KIF26B: variants seen among roughly 807,000 people sequenced by gnomAD.
KIF26B encodes the protein kinesin-like protein KIF26B.
A neutral mutation model predicts 151.2 loss-of-function variants in KIF26B; 63 were observed. The observed-to-expected ratio is 0.42, with a 90% CI of 0.34 to 0.51. The LOEUF (loss-of-function observed/expected upper bound fraction) is 0.51. Among genes scored for constraint, KIF26B ranks in the 20% least tolerant of loss-of-function variants. The probability of loss-of-function intolerance (pLI) is 0.07; values close to 1 mark genes in which losing one functional copy is unlikely to be tolerated. For missense variants in KIF26B, 2,813 were observed against 2,913.6 expected, an observed-to-expected ratio of 0.97 and a Z score of 0.79; for synonymous variants, 1,357 against 1,262.1, an observed-to-expected ratio of 1.08 and a Z score of -1.59.
At chr1:245,428,141 C>A (rs538685720) in intron 4 of KIF26B, among the ~76,000 whole-genome samples, 119 of 152,318 alleles carry the variant, frequency 7.8e-4, no homozygotes, top group African/African-American at 2.8e-3. Flanking sequence ...GGAAGGCAAA[C>A]CCCTACCCTC....
intron 14 of KIF26B, among the ~76,000 whole-genome samples, chr1:245,701,604 G>A (rs936732196): frequency 9.2e-5 from 14 of 152,150 alleles, no homozygotes; most frequent in African/African-American, 2.7e-4. Flanking sequence ...GCACGGCATC[G>A]TTTTCAAATC....
chr1:245,256,767 C>T (rs532307355), intron 2 of KIF26B, among the ~76,000 whole-genome samples: 5 of 152,294 alleles, frequency 3.3e-5, no homozygotes, highest in African/African-American at 1.2e-4. Flanking sequence ...AGACTTCAGA[C>T]TGACAAAGCG....
intron 4 of KIF26B, among the ~76,000 whole-genome samples, chr1:245,486,623 A>G (rs1314796291): frequency 1.3e-5 from 2 of 152,212 alleles, no homozygotes; most frequent in African/African-American, 4.8e-5. Context: ...TGAAGAAATG[A>G]AGGTTCAGCT....
At chr1:245,538,846 G>A (rs1184968686) in intron 4 of KIF26B, among the ~76,000 whole-genome samples, 2 of 152,084 alleles carry the variant, frequency 1.3e-5, no homozygotes, top group Non-Finnish European at 2.9e-5. Context: ...AGGTGTGTGC[G>A]GGTGTTAGAA....
chr1:245,616,783 G>A (rs964337177), intron 9 of KIF26B, among the ~76,000 whole-genome samples: 4 of 152,156 alleles, frequency 2.6e-5, no homozygotes, highest in African/African-American at 9.7e-5. Flanking sequence ...TGCTCAGCGT[G>A]GACTAGTGAT....
chr1:245,347,530 C>T (rs1391538637), intron 2 of KIF26B, among the ~76,000 whole-genome samples: 2 of 152,128 alleles, frequency 1.3e-5, no homozygotes, highest in Non-Finnish European at 2.9e-5. Context: ...CTACATTTTC[C>T]AGGCTGGTCT....
intron 2 of KIF26B, among the ~76,000 whole-genome samples, chr1:245,300,408 C>CCAA (rs1464503348): frequency 6.6e-6 from 1 of 152,188 alleles, no homozygotes; most frequent in Non-Finnish European, 1.5e-5. Context: ...CCAGGTCAAG[C>CCAA]CAACTCATTA....
chr1:245,288,391 C>T (rs1162144165), intron 2 of KIF26B, among the ~76,000 whole-genome samples: 13 of 152,220 alleles, frequency 8.5e-5, no homozygotes, highest in Admixed American at 4.6e-4. Flanking sequence ...GAGGATAATG[C>T]AGCATCCCAT....
chr1:245,531,157 G>A (rs1485821863), intron 4 of KIF26B, among the ~76,000 whole-genome samples: 1 of 152,126 alleles, frequency 6.6e-6, no homozygotes, highest in Non-Finnish European at 1.5e-5. Context: ...TCAGTAATTG[G>A]TAAGTGCTTA....
intron 4 of KIF26B, among the ~76,000 whole-genome samples, chr1:245,484,793 A>ATTATTATTATTATTATTC (rs1316870686): frequency 2.1e-5 from 3 of 145,178 alleles, no homozygotes; most frequent in African/African-American, 5.0e-5. Context: ...TATTATTATT[A>ATTATTATTATTATTATTC]TTCTTTTAAT....
intron 14 of KIF26B, among the ~76,000 whole-genome samples, chr1:245,701,598 G>A (rs866074679): frequency 4.6e-5 from 7 of 152,070 alleles, no homozygotes; most frequent in Admixed American, 1.3e-4. Flanking sequence ...TCCATAGCAC[G>A]GCATCGTTTT....
chr1:245,473,842 G>A (rs962014142), intron 4 of KIF26B, among the ~76,000 whole-genome samples: 6 of 151,864 alleles, frequency 4.0e-5, no homozygotes, highest in Non-Finnish European at 5.9e-5. Flanking sequence ...CCAGGGGCCC[G>A]TCAGTGGCTC....
rs1299503237 is a variant in KIF26B at position 245,362,283 on chromosome 1, C to T, written c.466-4551C>T. ...GTGGCTCATGCCGGTAATCCCAGCACGTTGGGAGGCCAAGGTGGGCAGATC... is the reference window on the plus strand; with the variant it reads ...GTGGCTCATGCCGGTAATCCCAGCATGTTGGGAGGCCAAGGTGGGCAGATC... On this transcript the variant is annotated intron_variant, in intron 2 of 14. Coordinates refer to ENST00000407071, the MANE Select transcript of KIF26B (RefSeq NM_018012.4). Among the ~76,000 whole-genome samples, 21 of 148,454 alleles carry T rather than the reference C, an allele frequency of 1.4e-4. No individual in the cohort carries two copies. The Admixed American group carries it at 1.4e-3, about 10-fold the overall frequency.
rs373744556 is a variant in KIF26B, at chr1:245,595,616, A to C, written c.1351-6961A>C. 1.1e-4 allele frequency among the ~76,000 whole-genome samples: 16 copies of C among 152,204 alleles called. No individual in the cohort carries two copies. In the East Asian group the frequency reaches 1.5e-3, roughly 15 times the overall value. ...ATGTTCATCAGGGATATTGGCCTGA[A>C]ATTTTCTTTTTTTGTTGTGTCTCTG... On this transcript the variant is annotated intron_variant, in intron 5 of 14. Transcript: ENST00000407071.
intron 3 of KIF26B, among the ~76,000 whole-genome samples, chr1:245,393,510 T>G (rs1673750638): frequency 1.3e-5 from 2 of 152,224 alleles, no homozygotes; most frequent in African/African-American, 4.8e-5. Context: ...TTTCCTCAAA[T>G]ATTTGGTGAT....
At chr1:245,700,102 CTATAA>C (rs142412165) in intron 14 of KIF26B, among the ~76,000 whole-genome samples, 6,893 of 152,204 alleles carry the variant, frequency 0.045, 248 homozygotes, top group African/African-American at 0.093. Context: ...GTGGAGCATT[CTATAA>C]TATAATATTA....
chr1:245,599,150 G>A (rs970331995), intron 5 of KIF26B, among the ~76,000 whole-genome samples: 2 of 152,188 alleles, frequency 1.3e-5, no homozygotes, highest in Non-Finnish European at 2.9e-5. Context: ...GGACTTTCTT[G>A]ATCACAAGTG....
At chr1:245,542,042 G>T (rs1661637843) in intron 5 of KIF26B, among the ~76,000 whole-genome samples, 1 of 152,168 alleles carries the variant, frequency 6.6e-6, no homozygotes, top group African/African-American at 2.4e-5. Context: ...TTCCCAAGAA[G>T]AGTTTAAATT....
chr1:245,417,578 A>G (rs1426236519), intron 3 of KIF26B, among the ~76,000 whole-genome samples: 1 of 152,232 alleles, frequency 6.6e-6, no homozygotes, highest in Non-Finnish European at 1.5e-5. Flanking sequence ...CATGCTCACT[A>G]ATCCCTGATT....
Sources: allele counts gnomAD v4.1 joint callset (sites outside exome capture counted in the v4.1 genomes callset), GRCh38; gene constraint gnomAD v4.1.1; transcripts MANE v1.5; gene names NCBI Gene and HGNC (gene_info 2026-07-23, HGNC 2026-07-21).